Variants in ODAD2 observed in about 807,000 individuals in gnomAD.
ODAD2 encodes the protein outer dynein arm docking complex subunit 2.
ODAD2 carries 89 observed loss-of-function variants against 106.8 expected under a neutral mutation model. The observed-to-expected ratio is 0.83, with a 90% CI of 0.70 to 0.99. The LOEUF (loss-of-function observed/expected upper bound fraction) is 0.99, where lower values mean the gene tolerates loss of function less well. ODAD2 is among the 50% of genes least tolerant of loss of function. The pLI is 0.00. For synonymous variants in ODAD2, 404 were observed against 436.2 expected (o/e 0.93, Z 0.92); for missense variants, 1,168 against 1,238.5 (o/e 0.94, Z 0.85).
At chr10:27,882,105 G>T (rs1035847922) in intron 17 of ODAD2, among the ~76,000 whole-genome samples, 1 of 151,216 alleles carries the variant, frequency 6.6e-6, no homozygotes, top group East Asian at 1.9e-4. Context: ...GGAGACAGAG[G>T]TTGCATTGAG....
chr10:27,941,885 C>G (rs1445514975), intron 12 of ODAD2, among the ~76,000 whole-genome samples: 1 of 152,134 alleles, frequency 6.6e-6, no homozygotes, highest in Non-Finnish European at 1.5e-5. Flanking sequence ...GAATAATAGC[C>G]TAGGCTAGGT....
At chr10:27,930,986 A>G (rs1845578782) in intron 16 of ODAD2, among the ~76,000 whole-genome samples, 1 of 152,230 alleles carries the variant, frequency 6.6e-6, no homozygotes, top group Non-Finnish European at 1.5e-5. Flanking sequence ...CTATAGACAA[A>G]ACAAAATGAC....
chr10:27,895,013 T>C (rs1254336403), intron 17 of ODAD2, among the ~76,000 whole-genome samples: 1 of 143,084 alleles, frequency 7.0e-6, no homozygotes, highest in Non-Finnish European at 1.5e-5. Context: ...CAGAGAGAAT[T>C]AGAGAGAGAC....
In ODAD2 at chr10:27,860,633, C is replaced by T. The variant is rs1167723751; in HGVS notation, c.3013G>A (p.Ala1005Thr). 20 of 1,613,760 alleles carry T rather than the reference C, an allele frequency of 1.2e-5. No homozygotes were observed. Among genetic ancestry groups the T allele is most frequent in the Non-Finnish European group, 1.6e-5 (19 of 1,179,968 alleles). Reference protein sequence around the residue: ...DNCITMHENGAVKLLLDMVGS... With the variant: ...DNCITMHENGTVKLLLDMVGS... The stretch of plus-strand genomic sequence containing the variant: ...AAGTCATTCAACTGTACCTTTACTG[C>T]ACCATTCTCATGCATGGTGATGCAG... The change falls in exon 19 of 20, where the codon GCA (alanine) becomes ACA (threonine). Residue 1005 changes from alanine (A) to threonine (T), a missense_variant. Coordinates refer to ENST00000305242, the MANE Select transcript of ODAD2 (RefSeq NM_018076.5).
intron 17 of ODAD2, among the ~76,000 whole-genome samples, chr10:27,895,324 G>A (rs1324773447): frequency 1.3e-5 from 2 of 152,146 alleles, no homozygotes; most frequent in African/African-American, 4.8e-5. Flanking sequence ...TATTTGAGAT[G>A]GAGTCTAGCT....
At chr10:27,969,983 G>A (rs1848732183) in intron 8 of ODAD2, among the ~76,000 whole-genome samples, 1 of 152,058 alleles carries the variant, frequency 6.6e-6, no homozygotes, top group Admixed American at 6.6e-5. Context: ...TCACACACCT[G>A]TAATCCCAGC....
intron 18 of ODAD2, among the ~76,000 whole-genome samples, chr10:27,861,576 T>C (rs543048088): frequency 1.3e-5 from 2 of 152,344 alleles, no homozygotes; most frequent in African/African-American, 4.8e-5. Context: ...ACCCTAGGAA[T>C]ACATTGATAT....
rs543265898 is a variant in ODAD2 at position 27,921,323 on chromosome 10, A to G, written c.2496-13546T>C. 1.6e-4 allele frequency among the ~76,000 whole-genome samples: 25 copies of G among 151,868 alleles called. No individual in the cohort carries two copies. In the South Asian group the frequency reaches 5.2e-3, roughly 32 times the overall value. ...CGAAAAAAAAAAAGAAAAAAAAAAG[A>G]ACATGAAATTTAACTCTTTTATAGG... is the stretch of plus-strand genomic sequence containing the variant. On this transcript the variant is annotated intron_variant, in intron 16 of 19. Coordinates refer to ENST00000305242, the MANE Select transcript of ODAD2 (RefSeq NM_018076.5).
chr10:27,870,123 A>G (rs1294248329), intron 17 of ODAD2, among the ~76,000 whole-genome samples: 2 of 152,146 alleles, frequency 1.3e-5, no homozygotes, highest in Non-Finnish European at 2.9e-5. Flanking sequence ...GACATTAACA[A>G]AAGGGCTGTC....
chr10:27,829,229 C>T (rs1336735250), intron 19 of ODAD2, among the ~76,000 whole-genome samples: 1 of 152,144 alleles, frequency 6.6e-6, no homozygotes, highest in African/African-American at 2.4e-5. Flanking sequence ...GAAAGAAGAG[C>T]ACAATTTTTC....
At chr10:27,992,750 T>G (rs1337912404) in intron 2 of ODAD2, among the ~76,000 whole-genome samples, 1 of 152,016 alleles carries the variant, frequency 6.6e-6, no homozygotes, top group Non-Finnish European at 1.5e-5. Context: ...AAAAAGAATC[T>G]GGACAAGAAT....
chr10:27,862,594 A>C lies in ODAD2; in HGVS notation c.2639T>G (p.Val880Gly). ...ATTGACAATAAGTTCCAAACCACCA[A>C]CAAAGGAACGAACCATTTCCCCAGC... ...KDAGEMVRSF[V>G]GGLELIVNLL... The change falls in exon 18 of 20, where the codon GTT (valine) becomes GGT (glycine). Residue 880 changes from valine to glycine, a missense_variant. Val to Gly is a moderately radical substitution (Grantham distance 109). Coordinates refer to ENST00000305242, the MANE Select transcript of ODAD2 (RefSeq NM_018076.5). 1 of 1,609,218 alleles carries C rather than the reference A, an allele frequency of 6.2e-7. No individual in the cohort carries two copies. The highest frequency in any genetic ancestry group is 1.1e-5 in the South Asian group (1 of 89,842).
chr10:27,873,908 C>G (rs1564452663), intron 17 of ODAD2, among the ~76,000 whole-genome samples: 2 of 152,094 alleles, frequency 1.3e-5, no homozygotes, highest in Non-Finnish European at 1.5e-5. Context: ...TCCTGGATAT[C>G]CTTGTTAACT....
intron 19 of ODAD2, among the ~76,000 whole-genome samples, chr10:27,832,400 G>A (rs1463033091): frequency 2.0e-5 from 3 of 151,982 alleles, no homozygotes; most frequent in African/African-American, 4.8e-5. Flanking sequence ...GCCAACCCTA[G>A]AAGCATACTG....
chr10:27,907,806 A>G (rs1387220983), intron 16 of ODAD2, 29 bp from the exon 17 acceptor site: 6 of 1,399,186 alleles, frequency 4.3e-6, no homozygotes, highest in Non-Finnish European at 4.1e-6. Flanking sequence ...TCATGATATA[A>G]ACTGTCATTA....
intron 19 of ODAD2, among the ~76,000 whole-genome samples, chr10:27,839,258 T>A (rs1476487237): frequency 6.6e-6 from 1 of 152,172 alleles, no homozygotes; most frequent in Non-Finnish European, 1.5e-5. Flanking sequence ...TGAAGATATA[T>A]AAGTAACAAT....
At chr10:27,818,069 T>C (rs1836276787) in intron 19 of ODAD2, among the ~76,000 whole-genome samples, 1 of 151,630 alleles carries the variant, frequency 6.6e-6, no homozygotes, top group Non-Finnish European at 1.5e-5. Flanking sequence ...CCTGGAGATT[T>C]CACTCTTCCA....
At chr10:27,906,778 C>T (rs577132160) in intron 17 of ODAD2, among the ~76,000 whole-genome samples, 3 of 152,244 alleles carry the variant, frequency 2.0e-5, no homozygotes, top group Non-Finnish European at 4.4e-5. Flanking sequence ...AAACCAAACA[C>T]CGCATGTTCT....
At chr10:27,874,152 T>C (rs1477439964) in intron 17 of ODAD2, among the ~76,000 whole-genome samples, 1 of 152,234 alleles carries the variant, frequency 6.6e-6, no homozygotes, top group Admixed American at 6.5e-5. Context: ...GTTTAAAGTC[T>C]GTTTTATCAG....
Sources: allele counts gnomAD v4.1 joint callset (sites outside exome capture counted in the v4.1 genomes callset), GRCh38; gene constraint gnomAD v4.1.1; transcripts MANE v1.5; gene names NCBI Gene and HGNC (gene_info 2026-07-23, HGNC 2026-07-21).